The following GTF2B variants were observed in gnomAD, a reference collection of about 807,000 sequenced individuals.
The protein encoded by GTF2B is general transcription factor IIB, also known as transcription initiation factor IIB.
Under a neutral mutation model 34.6 loss-of-function variants are expected in GTF2B, and 20 were observed. The observed-to-expected ratio is 0.58, with a 90% CI of 0.41 to 0.84. The LOEUF (loss-of-function observed/expected upper bound fraction) is 0.84, where lower values mean the gene tolerates loss of function less well. GTF2B is among the 40% of genes least tolerant of loss of function. The pLI is 0.00. For missense variants in GTF2B, 237 were observed against 393.3 expected (o/e 0.60, Z 3.36); for synonymous variants, 142 against 132.4 (o/e 1.07, Z -0.50).
intron 2 of GTF2B, among the ~76,000 whole-genome samples, chr1:88,882,936 T>C (rs1673982559): frequency 6.6e-6 from 1 of 152,242 alleles, no homozygotes; most frequent in Non-Finnish European, 1.5e-5. Context: ...AATATGAAAA[T>C]TTCCTTTGCA....
At chr1:88,854,977 AATGTCAACTGCCTGCTGTGC>A (rs1278955465) in intron 6 of GTF2B, among the ~76,000 whole-genome samples, 1 of 152,230 alleles carries the variant, frequency 6.6e-6, no homozygotes, top group Non-Finnish European at 1.5e-5. Flanking sequence ...CAACTATTTG[AATGTCAACTGCCTGCTGTGC>A]AGGGAAGAGA....
chr1:88,859,793 G>A (rs940871123), intron 5 of GTF2B, 89 bp downstream of exon 5: 23 of 1,135,782 alleles, frequency 2.0e-5, no homozygotes, highest in African/African-American at 9.3e-5. Context: ...TCAAGATTGC[G>A]CCACTGCACT....
chr1:88,864,000 A>G lies in GTF2B; in HGVS notation c.239T>C (p.Leu80Ser). Residue 80 changes from leucine (L) to serine (S), a missense_variant, in exon 3 of 7, where the codon TTG (leucine) becomes TCG (serine). Transcript: ENST00000370500. ...TATTACCTTGCCAATCATGGTAGAC[A>G]AATCTCCATCACTCAGAAGAGGATT... ...SQNPLLSDGDLSTMIGKGTGA... is the reference protein window; with the variant it reads ...SQNPLLSDGDSSTMIGKGTGA... The G allele has an allele frequency of 6.2e-7, 1 of 1,613,870 alleles. No individual in the cohort carries two copies. The highest frequency in any genetic ancestry group is 8.5e-7 in the Non-Finnish European group (1 of 1,179,748).
rs191388292 is a variant in GTF2B, at chr1:88,890,755, G to A, written c.17+728C>T. On this transcript the variant is annotated intron_variant, in intron 1 of 6. Transcript: ENST00000370500. ...CACAAGATTAAAGGCTGTTTCTGAGGGTACTGCATGCATTTCCTGTAGATA... is the reference window on the plus strand; with the variant it reads ...CACAAGATTAAAGGCTGTTTCTGAGAGTACTGCATGCATTTCCTGTAGATA... Among the ~76,000 whole-genome samples, 35 of 152,170 alleles carry A rather than the reference G, an allele frequency of 2.3e-4. No individual in the cohort carries two copies. In the East Asian group the frequency reaches 4.6e-3, roughly 20 times the overall value.
At position 88,863,354 on chromosome 1, in the gene GTF2B, T is replaced by C. The variant is rs902554678; in HGVS notation, c.258+627A>G. Among the ~76,000 whole-genome samples, 4 of 152,008 alleles carry C rather than the reference T, an allele frequency of 2.6e-5. No homozygotes were observed. The East Asian group carries it at 7.7e-4, about 29-fold the overall frequency. ...GAGAAAAGAGAAGACATTCTTTTCT[T>C]TTTTTTTGAGACAGAGTCTCACTCT... On this transcript the variant is annotated intron_variant, in intron 3 of 6. Transcript: ENST00000370500.
In GTF2B at chr1:88,857,300, T is replaced by C. The variant is rs138805281; in HGVS notation, c.723A>G (p.Glu241=). 1 of 1,613,596 alleles carries C rather than the reference T, an allele frequency of 6.2e-7. No homozygotes were observed. Among genetic ancestry groups the C allele is most frequent in the Admixed American group, 1.7e-5 (1 of 60,016 alleles). ...AATHIARKAV[E]LDLVPGRSPI... is the part of the protein sequence containing the mutation. ...GGCTCCTCCCAGGAACCAAGTCCAG[T>C]TCCACAGCTTTACGGGCTATATGTG... The change falls in exon 6 of 7, where the codon GAA becomes GAG. Residue 241 remains glutamate, a synonymous_variant. Transcript: ENST00000370500.
At chr1:88,859,155 C>T (rs1282332225) in intron 5 of GTF2B, among the ~76,000 whole-genome samples, 1 of 152,032 alleles carries the variant, frequency 6.6e-6, no homozygotes, top group East Asian at 1.9e-4. Flanking sequence ...TGTGAGACAC[C>T]ATACCTGGCC....
Position 88,887,383 on chromosome 1 carries a change from T to A in GTF2B, c.18-16A>T. On this transcript the variant is annotated splice_polypyrimidine_tract_variant and intron_variant, in intron 1 of 6. Coordinates refer to ENST00000370500, the MANE Select transcript of GTF2B (RefSeq NM_001514.6). Reference sequence around the variant, plus strand: ...AGCATCCAAACTAAAAGAAAAAAGTTGTATTTTTACATCTTCCCAACCAAC... The same window carrying A: ...AGCATCCAAACTAAAAGAAAAAAGTAGTATTTTTACATCTTCCCAACCAAC... 2 of 1,489,484 alleles carry A rather than the reference T, an allele frequency of 1.3e-6. No individual in the cohort carries two copies. Among genetic ancestry groups the A allele is most frequent in the Non-Finnish European group, 1.9e-6 (2 of 1,067,014 alleles). 92.3% of individuals were successfully genotyped at this position (1,489,484 alleles called of 1,614,324 possible).
intron 2 of GTF2B, among the ~76,000 whole-genome samples, chr1:88,868,511 C>CATGT (rs60366582): frequency 0.087 from 13,196 of 152,176 alleles, 1,307 homozygotes; most frequent in African/African-American, 0.25. Context: ...GTATTTCACA[C>CATGT]ATTAGCTCTC....
At chr1:88,887,139 G>C (rs192060467) in intron 2 of GTF2B, 122 bp downstream of exon 2, 2 of 602,136 alleles carry the variant, frequency 3.3e-6, no homozygotes, top group African/African-American at 1.9e-5. Flanking sequence ...GGCTGGTCTC[G>C]AACTCCTGAC....
At chr1:88,882,788 T>G (rs953021284) in intron 2 of GTF2B, among the ~76,000 whole-genome samples, 1 of 152,226 alleles carries the variant, frequency 6.6e-6, no homozygotes. Context: ...TATTTATTGC[T>G]TGGAAGGCAT....
intron 2 of GTF2B, among the ~76,000 whole-genome samples, chr1:88,883,019 T>C (rs1346496627): frequency 1.3e-5 from 2 of 152,212 alleles, no homozygotes; most frequent in Admixed American, 1.3e-4. Flanking sequence ...TGCAAATCTA[T>C]GTGGTAATGA....
At chr1:88,871,105 T>C (rs1419365042) in intron 2 of GTF2B, among the ~76,000 whole-genome samples, 2 of 152,138 alleles carry the variant, frequency 1.3e-5, no homozygotes, top group East Asian at 3.9e-4. Context: ...TTTCATTATG[T>C]TGCCCAGGCT....
rs1673397194 is a variant in GTF2B, at chr1:88,859,892, C to T, written c.525G>A (p.Arg175=). ...AAGCTAAAAACTTACCTTTAAATGT[C>T]CTAGGAACCCCTTCTTGTCTACAGG... The part of the protein sequence containing the change: ...YIACRQEGVP[R]TFKEICAVSR... Residue 175 remains arginine (R), a synonymous_variant, in exon 5 of 7, where the codon AGG becomes AGA. Coordinates refer to ENST00000370500, the MANE Select transcript of GTF2B (RefSeq NM_001514.6). 3.7e-6 allele frequency: 6 copies of T among 1,612,524 alleles called. No individual in the cohort carries two copies. The highest frequency in any genetic ancestry group is 1.1e-5 in the South Asian group (1 of 90,930).
chr1:88,882,096 G>A (rs1433664376), intron 2 of GTF2B, among the ~76,000 whole-genome samples: 2 of 151,976 alleles, frequency 1.3e-5, no homozygotes, highest in Non-Finnish European at 2.9e-5. Flanking sequence ...GAACACTTGA[G>A]GCCAGGAGTT....
In GTF2B at chr1:88,853,140, C is replaced by T. The variant is rs1423727152; in HGVS notation, c.*73G>A. On this transcript the variant is annotated 3_prime_UTR_variant, in exon 7 of 7. Coordinates refer to ENST00000370500, the MANE Select transcript of GTF2B (RefSeq NM_001514.6). ...TTGTTTTTCCTCATGAAAGGCTCAA[C>T]CCAGCATTTTGTATAGGCTATGTAC... 1.4e-6 allele frequency: 2 copies of T among 1,386,690 alleles called. No homozygotes were observed. Among genetic ancestry groups the T allele is most frequent in the Non-Finnish European group, 2.1e-6 (2 of 972,944 alleles). 85.9% of individuals were successfully genotyped at this position (1,386,690 alleles called of 1,614,324 possible).
chr1:88,868,235 T>C (rs1314836384), intron 2 of GTF2B, among the ~76,000 whole-genome samples: 2 of 152,238 alleles, frequency 1.3e-5, no homozygotes, highest in African/African-American at 4.8e-5. Flanking sequence ...TAGTCAACTT[T>C]TGAAAAGGAA....
intron 2 of GTF2B, 103 bp from the exon 3 acceptor site, chr1:88,864,217 AC>A (rs1673500603): frequency 6.9e-6 from 7 of 1,009,940 alleles, no homozygotes; most frequent in Middle Eastern, 2.2e-4. Context: ...GGAAATCTCA[AC>A]ATGGACATCT....
chr1:88,889,711 T>C (rs896986605), intron 1 of GTF2B, among the ~76,000 whole-genome samples: 1 of 152,148 alleles, frequency 6.6e-6, no homozygotes, highest in Non-Finnish European at 1.5e-5. Context: ...GGGAAAAACA[T>C]GCAAAAGGTA....
Sources: allele counts gnomAD v4.1 joint callset (sites outside exome capture counted in the v4.1 genomes callset), GRCh38; gene constraint gnomAD v4.1.1; transcripts MANE v1.5; gene names NCBI Gene and HGNC (gene_info 2026-07-23, HGNC 2026-07-21).